Variants in OR10J1 observed in about 807,000 individuals in gnomAD.
OR10J1 encodes olfactory receptor family 10 subfamily J member 1, also known as olfactory receptor 10J1.
For missense variants in OR10J1, 474 were observed against 376.6 expected, an observed-to-expected ratio of 1.26 and a Z score of -2.14; for synonymous variants, 202 against 143.8, an observed-to-expected ratio of 1.40 and a Z score of -2.89.
the OR10J1 span, among the ~76,000 whole-genome samples, chr1:159,407,547 T>C: frequency 2.0e-5 from 3 of 152,096 alleles, no homozygotes; most frequent in Non-Finnish European, 4.4e-5. Flanking sequence ...GGAGATGTGT[T>C]TAACCAGGAA....
At chr1:159,420,623 G>GGA in the OR10J1 span, among the ~76,000 whole-genome samples, 1 of 151,968 alleles carries the variant, frequency 6.6e-6, no homozygotes, top group Non-Finnish European at 1.5e-5. Flanking sequence ...TTGCTTATTT[G>GGA]GAGAGGACTC....
At chr1:159,412,899 C>T in the OR10J1 span, among the ~76,000 whole-genome samples, 3 of 151,652 alleles carry the variant, frequency 2.0e-5, no homozygotes, top group East Asian at 2.0e-4. Flanking sequence ...AGTGAACAGG[C>T]AACCTACAAC....
At chr1:159,412,382 A>G in the OR10J1 span, among the ~76,000 whole-genome samples, 97 of 151,576 alleles carry the variant, frequency 6.4e-4, no homozygotes, top group African/African-American at 2.3e-3. Context: ...TCGCCAAGTC[A>G]ATCCTAAGCC....
chr1:159,399,042 GA>G, the OR10J1 span, among the ~76,000 whole-genome samples: 2 of 150,606 alleles, frequency 1.3e-5, no homozygotes, highest in East Asian at 2.0e-4. Flanking sequence ...AGCAGTCAGA[GA>G]AAAAAAACAA....
In OR10J1 at chr1:159,439,991, C is replaced by T. The variant is rs779042089; in HGVS notation, c.200C>T (p.Ser67Phe). The T allele has an allele frequency of 1.9e-6, 3 of 1,614,154 alleles. No homozygotes were observed. The highest frequency in any genetic ancestry group is 2.2e-5 in the South Asian group (2 of 91,078). The change falls in exon 1 of 1, where the codon TCC (serine) becomes TTC (phenylalanine). Residue 67 changes from serine (S) to phenylalanine (F), a missense_variant. Coordinates refer to ENST00000423932, the MANE Select transcript of OR10J1 (RefSeq NM_012351.3). ...ATGTACTTCTTCCTGAGCATGCTGT[C>T]CACTTCAGAGACTGTATATACATTG... ...TPMYFFLSMLSTSETVYTLVI... is the reference protein window; with the variant it reads ...TPMYFFLSMLFTSETVYTLVI...
chr1:159,436,242 A>G (rs1364472061), upstream of OR10J1, among the ~76,000 whole-genome samples: 1 of 152,018 alleles, frequency 6.6e-6, no homozygotes, highest in Non-Finnish European at 1.5e-5. Flanking sequence ...ATCATGAACC[A>G]TTAATATGGA....
At chr1:159,407,867 G>A in the OR10J1 span, among the ~76,000 whole-genome samples, 18 of 152,046 alleles carry the variant, frequency 1.2e-4, no homozygotes, top group Non-Finnish European at 2.4e-4. Flanking sequence ...AGTGAATAAA[G>A]CATGGGAAAG....
chr1:159,407,394 G>A, the OR10J1 span, among the ~76,000 whole-genome samples: 1 of 152,060 alleles, frequency 6.6e-6, no homozygotes, highest in Non-Finnish European at 1.5e-5. Context: ...CTTAATGATA[G>A]CAACTTCTTT....
the OR10J1 span, among the ~76,000 whole-genome samples, chr1:159,422,070 T>A: frequency 6.6e-6 from 1 of 152,164 alleles, no homozygotes; most frequent in Non-Finnish European, 1.5e-5. Context: ...TGATGCTATC[T>A]GTTGTAGCTG....
At chr1:159,403,632 G>A in the OR10J1 span, among the ~76,000 whole-genome samples, 1 of 152,180 alleles carries the variant, frequency 6.6e-6, no homozygotes, top group African/African-American at 2.4e-5. Flanking sequence ...TGGCATGGAT[G>A]TGGAGAAAAG....
At chr1:159,412,134 C>T in the OR10J1 span, among the ~76,000 whole-genome samples, 15,872 of 151,022 alleles carry the variant, frequency 0.11, 1,070 homozygotes, top group East Asian at 0.22. Context: ...TTACAAGGGA[C>T]GTGAAGGACC....
chr1:159,440,396 G>C lies in OR10J1; in HGVS notation c.605G>C (p.Ser202Thr), dbSNP rs1408112861. Residue 202 changes from serine (S) to threonine (T), a missense_variant, in exon 1 of 1, where the codon AGT (serine) becomes ACT (threonine). By Grantham distance (58) the Ser-to-Thr change is moderately conservative. Transcript: ENST00000423932. ...TVNEILTLII[S>T]VLVLVVPMGL... ...AATGAAATCCTGACTTTGATTATCA[G>C]TGTGCTGGTGCTTGTTGTACCTATG... 1.2e-6 allele frequency: 2 copies of C among 1,614,144 alleles called. No individual in the cohort carries two copies. Among genetic ancestry groups the C allele is most frequent in the Non-Finnish European group, 1.7e-6 (2 of 1,180,016 alleles).
At chr1:159,425,742 G>C in the OR10J1 span, among the ~76,000 whole-genome samples, 1 of 152,088 alleles carries the variant, frequency 6.6e-6, no homozygotes, top group African/African-American at 2.4e-5. Context: ...GGGTGTGTTT[G>C]TGTTCATGTA....
At chr1:159,405,909 C>G in the OR10J1 span, 921 of 547,632 alleles carry the variant, frequency 1.7e-3, 17 homozygotes, top group South Asian at 0.011. Flanking sequence ...GGACAATAGC[C>G]ATGCCCAGGC....
the OR10J1 span, among the ~76,000 whole-genome samples, chr1:159,419,157 G>C: frequency 6.6e-6 from 1 of 152,306 alleles, no homozygotes; most frequent in Non-Finnish European, 1.5e-5. Flanking sequence ...ATGCTGAAAT[G>C]AGTTAAGACT....
chr1:159,398,552 A>C, the OR10J1 span, among the ~76,000 whole-genome samples: 1 of 152,192 alleles, frequency 6.6e-6, no homozygotes, highest in Admixed American at 6.5e-5. Flanking sequence ...ATATTTAACA[A>C]AGAGATTGAA....
At chr1:159,406,389 G>A in the OR10J1 span, 1 of 402,268 alleles carries the variant, frequency 2.5e-6, no homozygotes, top group Non-Finnish European at 5.0e-6. Context: ...TAAATCTGAA[G>A]GAAATGGACA....
chr1:159,423,726 A>G, the OR10J1 span, among the ~76,000 whole-genome samples: 1 of 152,188 alleles, frequency 6.6e-6, no homozygotes, highest in Admixed American at 6.5e-5. Context: ...AACAAGGTTT[A>G]CAACCACCAG....
chr1:159,424,311 A>G, the OR10J1 span, among the ~76,000 whole-genome samples: 6 of 151,450 alleles, frequency 4.0e-5, no homozygotes, highest in Non-Finnish European at 8.8e-5. Context: ...ATAATTTAAT[A>G]TTTATATATG....
Sources: allele counts gnomAD v4.1 joint callset (sites outside exome capture counted in the v4.1 genomes callset), GRCh38; gene constraint gnomAD v4.1.1; transcripts MANE v1.5; gene names NCBI Gene and HGNC (gene_info 2026-07-23, HGNC 2026-07-21).